SPACA9: variants seen among roughly 807,000 people sequenced by gnomAD.
SPACA9 encodes the protein sperm acrosome-associated protein 9.
In SPACA9, 14 loss-of-function variants were observed where a neutral mutation model predicts 12.5. That is an observed-to-expected ratio of 1.12 (90% confidence interval 0.74 to 1.75). The LOEUF is 1.75. Ranked by LOEUF, SPACA9 falls within the 40% of genes most tolerant of loss-of-function variation. The probability of loss-of-function intolerance (pLI) is 0.00; values close to 1 mark genes in which losing one functional copy is unlikely to be tolerated. For synonymous variants in SPACA9, 111 were observed against 114.1 expected (o/e 0.97, Z 0.17); for missense variants, 292 against 291.9 (o/e 1.00, Z 0.00).
rs2131493881 is a variant in SPACA9, at chr9:132,887,360, C to G, written c.145-9C>G. On this transcript the variant is annotated splice_polypyrimidine_tract_variant and intron_variant, in intron 2 of 3. Coordinates refer to ENST00000356311, the MANE Select transcript of SPACA9 (RefSeq NM_001316897.2). The surrounding 1 kb of genome is among the most constrained non-coding windows in gnomAD (Gnocchi z 5.4). ...ATGTCCCCAGCTCATGTGGCGGCGGCCCTTGCAGGTGCAGAGCTACATGGA... is the reference window on the plus strand; with the variant it reads ...ATGTCCCCAGCTCATGTGGCGGCGGGCCTTGCAGGTGCAGAGCTACATGGA... 1 of 1,608,838 alleles carries G rather than the reference C, an allele frequency of 6.2e-7. No homozygotes were observed.
Position 132,887,709 on chromosome 9 carries a change from A to C in SPACA9, c.347+138A>C. On this transcript the variant is annotated intron_variant, in intron 3 of 3. Transcript: ENST00000356311. This position sits in a 1 kb window ranked among gnomAD's most constrained non-coding sequence, Gnocchi z 5.4. ...AGGAAATCCCAGTCTCCACTCATTT[A>C]TTGGAATGACTCGGATTCAACAAAA... The C allele has an allele frequency of 1.4e-6, 1 of 692,764 alleles. No homozygotes were observed. The highest frequency in any genetic ancestry group is 2.5e-6 in the Non-Finnish European group (1 of 404,560). The allele number at this position is 692,764 out of a possible 1,614,324, so 42.9% of individuals were successfully genotyped here. A position where few individuals can be genotyped will look rare whatever the true frequency, so the allele number is the denominator to read the frequency against.
chr9:132,889,012 C>T lies in SPACA9; in HGVS notation c.*401C>T. On this transcript the variant is annotated 3_prime_UTR_variant, in exon 4 of 4. Transcript: ENST00000356311. ...TCAATCTCCTGACCTCATGATCTAC[C>T]CTCGTGATCGGCCTCCCAAAGTGCT... is the stretch of plus-strand genomic sequence containing the variant. 1.2e-6 allele frequency: 1 copy of T among 844,028 alleles called. No individual in the cohort carries two copies. The highest frequency in any genetic ancestry group is 1.4e-6 in the Non-Finnish European group (1 of 694,112). The allele number at this position is 844,028 out of a possible 1,614,324, so 52.3% of individuals were successfully genotyped here. A position where few individuals can be genotyped will look rare whatever the true frequency, so the allele number is the denominator to read the frequency against.
chr9:132,889,962 G>T lies in SPACA9; in HGVS notation c.*1351G>T. The T allele has an allele frequency of 6.6e-7, 1 of 1,515,798 alleles. No individual in the cohort carries two copies. The highest frequency in any genetic ancestry group is 8.9e-7 in the Non-Finnish European group (1 of 1,125,812). 93.9% of individuals were successfully genotyped at this position (1,515,798 alleles called of 1,614,324 possible). A position where few individuals can be genotyped will look rare whatever the true frequency, so the allele number is the denominator to read the frequency against. On this transcript the variant is annotated 3_prime_UTR_variant, in exon 4 of 4. Transcript: ENST00000356311. ...GTTGGTTTTTCCCTTCACAGGGGAC[G>T]ACTTAGCTTCTGTATTATTGTTGCT...
chr9:132,884,109 C>A lies in SPACA9; in HGVS notation c.144+18C>A. 1 of 1,606,802 alleles carries A rather than the reference C, an allele frequency of 6.2e-7. No homozygotes were observed. The highest frequency in any genetic ancestry group is 8.5e-7 in the Non-Finnish European group (1 of 1,174,016). On this transcript the variant is annotated intron_variant, in intron 2 of 3. Transcript: ENST00000356311. Reference sequence around the variant, plus strand: ...TTGGACAGGTGGGGCTCCCGACCCCCACCCCGGCCGAGGGGCAACAAGCCC... The same window carrying A: ...TTGGACAGGTGGGGCTCCCGACCCCAACCCCGGCCGAGGGGCAACAAGCCC...
In SPACA9 at chr9:132,889,469, C is replaced by T. The variant is rs756475612; in HGVS notation, c.*858C>T. 5.5e-5 allele frequency: 52 copies of T among 939,672 alleles called. No individual in the cohort carries two copies. In the South Asian group the frequency reaches 1.2e-3, roughly 21 times the overall value. 58.2% of individuals were successfully genotyped at this position (939,672 alleles called of 1,614,324 possible). A position where few individuals can be genotyped will look rare whatever the true frequency, so the allele number is the denominator to read the frequency against. On this transcript the variant is annotated 3_prime_UTR_variant, in exon 4 of 4. Coordinates refer to ENST00000356311, the MANE Select transcript of SPACA9 (RefSeq NM_001316897.2). ...TCTCCCAGGCTGGAGTGCAGTGGCA[C>T]GATCTTGGCTCACTGCAACCTCCAC...
intron 1 of SPACA9, among the ~76,000 whole-genome samples, chr9:132,879,348 C>T (rs1844312519): frequency 6.6e-6 from 1 of 152,116 alleles, no homozygotes; most frequent in African/African-American, 2.4e-5. Context: ...TGTCTCTGTA[C>T]CTTATGGAGA....
In SPACA9 at chr9:132,887,833, T is replaced by C. The variant is rs1844613433; in HGVS notation, c.347+262T>C. 6.6e-6 allele frequency among the ~76,000 whole-genome samples: 1 copy of C among 151,672 alleles called. No individual in the cohort carries two copies. The highest frequency in any genetic ancestry group is 6.6e-5 in the Admixed American group (1 of 15,238). On this transcript the variant is annotated intron_variant, in intron 3 of 3. Coordinates refer to ENST00000356311, the MANE Select transcript of SPACA9 (RefSeq NM_001316897.2). This position sits in a 1 kb window ranked among gnomAD's most constrained non-coding sequence, Gnocchi z 5.4. ...GAAGGGGGTGTAGAGCCCAGAGCAG[T>C]TGCCCCCAGAAGCCCACAGAGATCC...
chr9:132,878,378 C>G (rs1458025582), upstream of SPACA9: 20 of 1,246,902 alleles, frequency 1.6e-5, no homozygotes, highest in African/African-American at 1.4e-4. The surrounding 1 kb of genome is among the most constrained non-coding windows in gnomAD (Gnocchi z 4.7). Flanking sequence ...ATACCCGATC[C>G]TCGGTCGCGC....
Position 132,881,715 on chromosome 9 carries a change from G to A in SPACA9, c.-37-2196G>A, listed in dbSNP as rs577500783. 1.7e-4 allele frequency among the ~76,000 whole-genome samples: 26 copies of A among 151,244 alleles called. No individual in the cohort carries two copies. In the South Asian group the frequency reaches 5.2e-3, roughly 30 times the overall value. On this transcript the variant is annotated intron_variant, in intron 1 of 3. Transcript: ENST00000356311. ...CTCACTGTGTCACCCAGGTTGGAGT[G>A]CAGTACTGCGATCATGGCTCACTGC...
At position 132,887,138 on chromosome 9, in the gene SPACA9, T is replaced by TATCC. The variant is rs59019466; in HGVS notation, c.145-191_145-188dup. On this transcript the variant is annotated intron_variant, in intron 2 of 3. Coordinates refer to ENST00000356311, the MANE Select transcript of SPACA9 (RefSeq NM_001316897.2). This position sits in a 1 kb window ranked among gnomAD's most constrained non-coding sequence, Gnocchi z 5.4. ...CGATCCATTAATTTCATATCATATC[T>TATCC]ATCCATCCATCCATCCATCCATCCA... Among the ~76,000 whole-genome samples the TATCC allele has an allele frequency of 0.01, 1,506 of 149,216 alleles. 12 individuals carry two copies. Among genetic ancestry groups the TATCC allele is most frequent in the East Asian group, 0.031 (157 of 5,002 alleles).
intron 1 of SPACA9, among the ~76,000 whole-genome samples, chr9:132,882,542 C>T (rs1844457230): frequency 6.6e-6 from 1 of 151,496 alleles, no homozygotes; most frequent in Non-Finnish European, 1.5e-5. Flanking sequence ...CTCACTGGAG[C>T]CTTGACCTCC....
At chr9:132,884,205 C>A in intron 2 of SPACA9, 114 bp downstream of exon 2, 2 of 1,106,190 alleles carry the variant, frequency 1.8e-6, no homozygotes, top group Non-Finnish European at 2.6e-6. Flanking sequence ...AGAATTAGGA[C>A]CCGGACCCAG....
At chr9:132,879,870 A>T (rs1844342735) in intron 1 of SPACA9, among the ~76,000 whole-genome samples, 1 of 152,230 alleles carries the variant, frequency 6.6e-6, no homozygotes, top group African/African-American at 2.4e-5. Flanking sequence ...CCAGGGCATG[A>T]ACTCTGCATC....
In SPACA9 at chr9:132,883,939, A is replaced by G. The variant is rs765790417; in HGVS notation, c.-9A>G. Reference sequence around the variant, plus strand: ...CCTCTTCTCCTGTAAATGACCACAGAGGAAGACAATGAATGAGGTGAAAGA... The same window carrying G: ...CCTCTTCTCCTGTAAATGACCACAGGGGAAGACAATGAATGAGGTGAAAGA... On this transcript the variant is annotated 5_prime_UTR_variant, in exon 2 of 4. Coordinates refer to ENST00000356311, the MANE Select transcript of SPACA9 (RefSeq NM_001316897.2). The G allele has an allele frequency of 1.2e-6, 2 of 1,613,888 alleles. No individual in the cohort carries two copies. The highest frequency in any genetic ancestry group is 2.7e-5 in the African/African-American group (2 of 74,924).
At chr9:132,882,823 G>A (rs1844463962) in intron 1 of SPACA9, among the ~76,000 whole-genome samples, 1 of 152,146 alleles carries the variant, frequency 6.6e-6, no homozygotes, top group South Asian at 2.1e-4. Context: ...CAGTGGAGGG[G>A]CAGCCGAGTG....
intron 1 of SPACA9, among the ~76,000 whole-genome samples, chr9:132,879,689 A>T (rs982129602): frequency 2.6e-5 from 4 of 152,222 alleles, no homozygotes; most frequent in African/African-American, 9.7e-5. Flanking sequence ...TGGGTGAGTC[A>T]CTTCCCCTTT....
At position 132,887,512 on chromosome 9, in the gene SPACA9, C is replaced by T; in HGVS notation, c.288C>T (p.Leu96=). The T allele has an allele frequency of 6.2e-7, 1 of 1,614,128 alleles. No homozygotes were observed. The highest frequency in any genetic ancestry group is 8.5e-7 in the Non-Finnish European group (1 of 1,180,046). Residue 96 remains leucine, a synonymous_variant, in exon 3 of 4, where the codon CTC becomes CTT. Transcript: ENST00000356311. This position sits in a 1 kb window ranked among gnomAD's most constrained non-coding sequence, Gnocchi z 5.4. ...VHSGTPVTNN[L]LEKCKTLVSQ... ...CTGGCACCCCAGTCACCAACAACCT[C>T]CTGGAGAAATGCAAAACCCTCGTTA... is the stretch of plus-strand genomic sequence containing the variant.
intron 2 of SPACA9, among the ~76,000 whole-genome samples, chr9:132,884,851 C>T (rs192776773): frequency 2.8e-3 from 430 of 152,342 alleles, no homozygotes; most frequent in African/African-American, 6.9e-3. Flanking sequence ...CGTGGTGGCT[C>T]ATGCCTGTAA....
Position 132,888,528 on chromosome 9 carries a change from A to G in SPACA9, c.586A>G (p.Lys196Glu), listed in dbSNP as rs1031146410. The change falls in exon 4 of 4, where the codon AAG becomes GAG. Residue 196 changes from lysine to glutamate, a missense_variant. By Grantham distance (56) the Lys-to-Glu change is moderately conservative. Transcript: ENST00000356311. The surrounding 1 kb of genome is among the most constrained non-coding windows in gnomAD (Gnocchi z 5.0). ...IGTQPRATKH[K>E]CRQLTKASLK... is the part of the protein sequence containing the mutation. The stretch of plus-strand genomic sequence containing the variant: ...GACCCAGCCCAGGGCCACTAAACAC[A>G]AGTGTAGACAGCTCACAAAAGCCAG... 16 of 1,568,202 alleles carry G rather than the reference A, an allele frequency of 1.0e-5. No individual in the cohort carries two copies. In the African/African-American group the frequency reaches 2.2e-4, roughly 21 times the overall value.
Sources: allele counts gnomAD v4.1 joint callset (sites outside exome capture counted in the v4.1 genomes callset), GRCh38; gene constraint gnomAD v4.1.1; non-coding constraint Gnocchi (gnomAD v3.1); transcripts MANE v1.5; gene names NCBI Gene and HGNC (gene_info 2026-07-23, HGNC 2026-07-21).